The following CLNK variants were observed in gnomAD, a reference collection of about 807,000 sequenced individuals.
CLNK encodes cytokine dependent hematopoietic cell linker.
A neutral mutation model predicts 68.6 loss-of-function variants in CLNK; 74 were observed. The observed-to-expected ratio is 1.08, with a 90% CI of 0.89 to 1.31. The LOEUF (loss-of-function observed/expected upper bound fraction) is 1.31. Among genes scored for constraint, CLNK ranks in the 50% most tolerant of loss-of-function variants. The probability of loss-of-function intolerance (pLI) is 0.00; values close to 1 mark genes in which losing one functional copy is unlikely to be tolerated. For missense variants in CLNK, 553 were observed against 515.3 expected, an observed-to-expected ratio of 1.07 and a Z score of -0.71; for synonymous variants, 198 against 172.2, an observed-to-expected ratio of 1.15 and a Z score of -1.17.
chr4:10,550,353 G>A (rs961242433), intron 8 of CLNK, among the ~76,000 whole-genome samples: 1 of 152,084 alleles, frequency 6.6e-6, no homozygotes, highest in African/African-American at 2.4e-5. Flanking sequence ...CAATTAGCCG[G>A]GCGTGGTGGC....
At chr4:10,540,335 A>C (rs957486338) in intron 11 of CLNK, among the ~76,000 whole-genome samples, 159 bp downstream of exon 11, 1 of 152,156 alleles carries the variant, frequency 6.6e-6, no homozygotes, top group Admixed American at 6.5e-5. Flanking sequence ...TCTTTTCTTT[A>C]TAAATTACCC....
chr4:10,520,120 A>T (rs1009632133), intron 15 of CLNK, among the ~76,000 whole-genome samples: 2 of 152,146 alleles, frequency 1.3e-5, no homozygotes, highest in Admixed American at 6.6e-5. Flanking sequence ...ACAGAGTGAA[A>T]AAAGGAAAGA....
At chr4:10,734,323 C>T in the CLNK span, among the ~76,000 whole-genome samples, 3 of 152,154 alleles carry the variant, frequency 2.0e-5, no homozygotes, top group East Asian at 5.8e-4. Context: ...GGTCTTGGGC[C>T]CACACATATC....
chr4:10,673,793 G>A (rs911579764), intron 1 of CLNK, among the ~76,000 whole-genome samples: 1 of 151,676 alleles, frequency 6.6e-6, no homozygotes, highest in Non-Finnish European at 1.5e-5. Context: ...GTAGGCTGTG[G>A]AGCGTCAGCC....
chr4:10,558,301 C>T, intron 8 of CLNK, 106 bp downstream of exon 8: 2 of 890,562 alleles, frequency 2.2e-6, no homozygotes, highest in South Asian at 3.0e-5. Flanking sequence ...AATAGATCAC[C>T]TTGTGTAAGA....
At position 10,513,487 on chromosome 4, in the gene CLNK, A is replaced by C; in HGVS notation, c.883T>G (p.Phe295Val). 1 of 1,611,908 alleles carries C rather than the reference A, an allele frequency of 6.2e-7. No individual in the cohort carries two copies. Among genetic ancestry groups the C allele is most frequent in the East Asian group, 2.2e-5 (1 of 44,834 alleles). ...ACCTTTCTATCAGACCTTTTGGGGA[A>C]AGGTGGTCTCCAGCTTGTGTATTTA... ...PYKYTSWRPP[F>V]PKRSDRKDVQ... Residue 295 changes from phenylalanine to valine, a missense_variant, in exon 16 of 19, where the codon TTC becomes GTC. Phe to Val is a conservative substitution (Grantham distance 50). Transcript: ENST00000226951.
chr4:10,693,238 C>A, the CLNK span, among the ~76,000 whole-genome samples: 1 of 152,112 alleles, frequency 6.6e-6, no homozygotes, highest in Non-Finnish European at 1.5e-5. Context: ...AAAAGACTCT[C>A]CTAAAGAAAT....
chr4:10,727,491 C>T, the CLNK span, among the ~76,000 whole-genome samples: 2 of 152,198 alleles, frequency 1.3e-5, no homozygotes, highest in Non-Finnish European at 2.9e-5. Flanking sequence ...ATAGTTTCCT[C>T]CTCTGTTAAA....
Position 10,522,871 on chromosome 4 carries a change from G to A in CLNK, c.732-2040C>T, listed in dbSNP as rs1160509221. Reference sequence around the variant, plus strand: ...AGGAAAGGCTCTGTGGGAGAAAGATGAACCGAGCTGACCCCTGAAGCATGA... The same window carrying A: ...AGGAAAGGCTCTGTGGGAGAAAGATAAACCGAGCTGACCCCTGAAGCATGA... On this transcript the variant is annotated intron_variant, in intron 14 of 18. Coordinates refer to ENST00000226951, the MANE Select transcript of CLNK (RefSeq NM_052964.4). Among the ~76,000 whole-genome samples, 6 of 152,348 alleles carry A rather than the reference G, an allele frequency of 3.9e-5. No homozygotes were observed. The East Asian group carries it at 1.2e-3, about 29-fold the overall frequency.
At chr4:10,567,920 A>G (rs1162149769) in intron 5 of CLNK, among the ~76,000 whole-genome samples, 2 of 152,196 alleles carry the variant, frequency 1.3e-5, no homozygotes, top group Non-Finnish European at 2.9e-5. Flanking sequence ...ACAGAAAATA[A>G]TCAGGGCTGA....
chr4:10,531,270 T>A (rs1194166615), intron 12 of CLNK: 1 of 152,338 alleles, frequency 6.6e-6, no homozygotes. Flanking sequence ...AGGGAGTCAA[T>A]ACCCTTGGAA....
Position 10,587,387 on chromosome 4 carries a change from C to T in CLNK, c.84-2432G>A, listed in dbSNP as rs16870263. ...AAAGCCCCGAGGCAGTGGAAGGCTC[C>T]CGAGGATGCTACTTCGGTGAGCTTA... On this transcript the variant is annotated intron_variant, in intron 3 of 18. Coordinates refer to ENST00000226951, the MANE Select transcript of CLNK (RefSeq NM_052964.4). 6.0e-3 allele frequency among the ~76,000 whole-genome samples: 918 copies of T among 152,304 alleles called. 18 individuals carry two copies. The East Asian group carries it at 0.065, about 11-fold the overall frequency.
chr4:10,537,734 T>TTA (rs1718853829), intron 11 of CLNK, among the ~76,000 whole-genome samples: 1 of 135,200 alleles, frequency 7.4e-6, no homozygotes, highest in African/African-American at 2.8e-5. Context: ...TTTCTTTCTT[T>TTA]CTTCCTTTCT....
At chr4:10,508,494 T>C (rs559070734) in intron 16 of CLNK, among the ~76,000 whole-genome samples, 1 of 152,310 alleles carries the variant, frequency 6.6e-6, no homozygotes, top group African/African-American at 2.4e-5. Context: ...TGAGCTATGA[T>C]TCGGATCCTA....
chr4:10,642,148 C>T (rs4342181), intron 2 of CLNK, among the ~76,000 whole-genome samples: 49,678 of 151,996 alleles, frequency 0.33, 9,335 homozygotes, highest in African/African-American at 0.52. Flanking sequence ...AGGCATAAAT[C>T]AAAGTAAAAA....
intron 2 of CLNK, among the ~76,000 whole-genome samples, chr4:10,657,342 A>G (rs1724027125): frequency 6.6e-6 from 1 of 152,232 alleles, no homozygotes; most frequent in African/African-American, 2.4e-5. Flanking sequence ...GTGAACATGA[A>G]AGGAGGAATG....
intron 17 of CLNK, among the ~76,000 whole-genome samples, chr4:10,504,507 A>G (rs1338078509): frequency 6.6e-6 from 1 of 152,224 alleles, no homozygotes; most frequent in Non-Finnish European, 1.5e-5. Context: ...GAAAGGCTTA[A>G]GTGAATACCC....
intron 12 of CLNK, among the ~76,000 whole-genome samples, chr4:10,531,216 G>A (rs888361582): frequency 6.6e-6 from 1 of 152,244 alleles, no homozygotes; most frequent in South Asian, 2.1e-4. Flanking sequence ...ATCAGTCATG[G>A]TGACCCCACT....
At chr4:10,654,733 C>T (rs1019435662) in intron 2 of CLNK, among the ~76,000 whole-genome samples, 1 of 152,050 alleles carries the variant, frequency 6.6e-6, no homozygotes, top group Non-Finnish European at 1.5e-5. Context: ...AAAATATACA[C>T]TACCAACAGA....
Sources: allele counts gnomAD v4.1 joint callset (sites outside exome capture counted in the v4.1 genomes callset), GRCh38; gene constraint gnomAD v4.1.1; transcripts MANE v1.5; gene names NCBI Gene and HGNC (gene_info 2026-07-23, HGNC 2026-07-21).